Variants in EYS observed in about 807,000 individuals in gnomAD.
The protein encoded by EYS is EGF-like photoreceptor maintenance factor, also known as protein eyes shut homolog.
In EYS, 250 loss-of-function variants were observed where a neutral mutation model predicts 282.1. The ratio of observed to expected loss-of-function variants is 0.89; its 90% CI spans 0.80 to 0.98. EYS has a LOEUF of 0.98. Among genes scored for constraint, EYS ranks in the 50% least tolerant of loss-of-function variants. EYS has a pLI of 0.00. For synonymous variants in EYS, 1,355 were observed against 1,282.9 expected (o/e 1.06, Z -1.20); for missense variants, 4,016 against 3,709.0 (o/e 1.08, Z -2.15).
chr6:65,600,292 A>C (rs1159195077), intron 2 of EYS, among the ~76,000 whole-genome samples: 1 of 151,986 alleles, frequency 6.6e-6, no homozygotes, highest in Non-Finnish European at 1.5e-5. Context: ...TGCATTGCTA[A>C]GTAATTATAG....
chr6:65,518,024 A>G (rs1437861215), intron 2 of EYS, among the ~76,000 whole-genome samples: 1 of 152,116 alleles, frequency 6.6e-6, no homozygotes. Flanking sequence ...CTCTTCCTTT[A>G]ACAGGCTTAA....
intron 28 of EYS, among the ~76,000 whole-genome samples, chr6:64,422,125 A>T (rs574493281): frequency 6.6e-6 from 1 of 152,114 alleles, no homozygotes; most frequent in South Asian, 2.1e-4. Flanking sequence ...TGACAGATAG[A>T]TAGATCGATA....
chr6:65,467,182 C>T (rs995188792), intron 5 of EYS, among the ~76,000 whole-genome samples: 6 of 152,052 alleles, frequency 3.9e-5, no homozygotes, highest in Non-Finnish European at 8.8e-5. Flanking sequence ...TAACAGATAT[C>T]AGTCTGTAGT....
intron 12 of EYS, among the ~76,000 whole-genome samples, chr6:65,274,706 A>C (rs560024759): frequency 6.6e-6 from 1 of 152,160 alleles, no homozygotes; most frequent in African/African-American, 2.4e-5. Flanking sequence ...ACATTATGTT[A>C]ATTAGACCAA....
chr6:64,535,789 C>T (rs148325713), intron 26 of EYS, among the ~76,000 whole-genome samples: 22 of 151,826 alleles, frequency 1.4e-4, no homozygotes, highest in Admixed American at 3.3e-4. Context: ...AAAACATTGA[C>T]GGATTAAAAT....
intron 22 of EYS, among the ~76,000 whole-genome samples, chr6:64,714,281 G>A (rs2149936980): frequency 6.6e-6 from 1 of 152,110 alleles, no homozygotes; most frequent in African/African-American, 2.4e-5. Flanking sequence ...ATAACCATGA[G>A]AAAAAAAGAT....
At chr6:64,527,329 T>C (rs1261064682) in intron 26 of EYS, among the ~76,000 whole-genome samples, 1 of 151,848 alleles carries the variant, frequency 6.6e-6, no homozygotes, top group African/African-American at 2.4e-5. Flanking sequence ...TGGAAGTTGA[T>C]ATGCCAGGCC....
chr6:63,773,039 C>CT (rs1211373314), intron 40 of EYS, among the ~76,000 whole-genome samples: 2 of 151,892 alleles, frequency 1.3e-5, no homozygotes, highest in East Asian at 1.9e-4. Flanking sequence ...TATAAAAGGT[C>CT]TTTTTTTTAT....
chr6:64,159,766 T>A (rs1284309558), intron 31 of EYS, among the ~76,000 whole-genome samples: 3 of 152,050 alleles, frequency 2.0e-5, no homozygotes, highest in Non-Finnish European at 4.4e-5. Context: ...GTGGCTCTTC[T>A]TTCCGTATTG....
intron 5 of EYS, among the ~76,000 whole-genome samples, chr6:65,474,558 A>C (rs1255522078): frequency 1.3e-5 from 2 of 152,138 alleles, no homozygotes; most frequent in African/African-American, 4.8e-5. Flanking sequence ...TGTATAAGGA[A>C]GCCAATGCCA....
At chr6:64,351,824 T>C (rs1252539572) in intron 29 of EYS, among the ~76,000 whole-genome samples, 1 of 151,582 alleles carries the variant, frequency 6.6e-6, no homozygotes. Flanking sequence ...ATATATGACA[T>C]ATGGTGATAC....
intron 12 of EYS, among the ~76,000 whole-genome samples, chr6:65,231,449 G>A (rs961876845): frequency 6.6e-6 from 1 of 151,446 alleles, no homozygotes; most frequent in Admixed American, 6.6e-5. Context: ...TTAAAAGAGA[G>A]GATTGGGGAG....
chr6:64,477,088 GCCC>G (rs1776294359), intron 26 of EYS, among the ~76,000 whole-genome samples: 2 of 151,966 alleles, frequency 1.3e-5, no homozygotes, highest in Admixed American at 1.3e-4. Flanking sequence ...ACTCACCAAG[GCCC>G]TCACACCAGC....
At chr6:64,246,798 C>T (rs937842823) in intron 30 of EYS, among the ~76,000 whole-genome samples, 1 of 152,026 alleles carries the variant, frequency 6.6e-6, no homozygotes, top group Non-Finnish European at 1.5e-5. Context: ...AGCAATGAAC[C>T]CCTATGGGCA....
In EYS at chr6:63,788,099, C is replaced by T. The variant is rs773926989; in HGVS notation, c.7723+6G>A. 26 of 1,529,026 alleles carry T rather than the reference C, an allele frequency of 1.7e-5. No homozygotes were observed. The African/African-American group carries it at 3.5e-4, about 21-fold the overall frequency. The allele number at this position is 1,529,026 out of a possible 1,614,324, so 94.7% of individuals were successfully genotyped here. A position where few individuals can be genotyped will look rare whatever the true frequency, so the allele number is the denominator to read the frequency against. ...AGGTATAATATAAAAAATGTCCATG[C>T]CTTACCTTGAAAACCATTTTTAAAA... On this transcript the variant is annotated splice_donor_region_variant and intron_variant, in intron 39 of 42. Coordinates refer to ENST00000503581, the MANE Select transcript of EYS (RefSeq NM_001142800.2).
chr6:64,137,970 C>T (rs1041040389), intron 31 of EYS, among the ~76,000 whole-genome samples: 1 of 152,014 alleles, frequency 6.6e-6, no homozygotes, highest in African/African-American at 2.4e-5. Context: ...GTGAGGCATG[C>T]CTGTATTGGA....
chr6:65,530,934 A>G (rs1767743777), intron 2 of EYS, among the ~76,000 whole-genome samples: 1 of 152,164 alleles, frequency 6.6e-6, no homozygotes, highest in African/African-American at 2.4e-5. Flanking sequence ...TAAAGAATCT[A>G]AATTGCCTAC....
At chr6:65,578,107 T>A (rs569408696) in intron 2 of EYS, among the ~76,000 whole-genome samples, 53 of 151,916 alleles carry the variant, frequency 3.5e-4, no homozygotes, top group African/African-American at 1.2e-3. Flanking sequence ...AATCAGTATG[T>A]CAAAGAGATA....
intron 33 of EYS, among the ~76,000 whole-genome samples, chr6:64,002,900 C>T (rs993371508): frequency 3.9e-5 from 6 of 152,118 alleles, no homozygotes; most frequent in African/African-American, 1.4e-4. Context: ...GGACACTGAA[C>T]ATATGTTTTT....
Sources: gnomAD v4.1 joint callset for allele counts (sites outside exome capture counted in the v4.1 genomes callset) on GRCh38, gnomAD v4.1.1 for gene constraint, MANE v1.5 for transcripts, NCBI Gene and HGNC (gene_info 2026-07-23, HGNC 2026-07-21) for gene names.